The following CHD7 variants were observed in gnomAD, a reference collection of about 807,000 sequenced individuals.
The protein encoded by CHD7 is chromodomain helicase DNA binding protein 7, also known as ATP-dependent chromatin remodeler CHD7.
In CHD7, 24 loss-of-function variants were observed where a neutral mutation model predicts 307.3. That is an observed-to-expected ratio of 0.08 (90% CI 0.06 to 0.11). The LOEUF is 0.11. Among genes scored for constraint, CHD7 ranks in the 10% least tolerant of loss-of-function variants. CHD7 has a pLI of 1.00. For missense variants in CHD7, 3,106 were observed against 3,727.1 expected (o/e 0.83, Z 4.34); for synonymous variants, 1,363 against 1,349.9 (o/e 1.01, Z -0.21).
At chr8:60,746,442 AT>A (rs1447702395) in intron 2 of CHD7, among the ~76,000 whole-genome samples, 1 of 152,158 alleles carries the variant, frequency 6.6e-6, no homozygotes, top group African/African-American at 2.4e-5. Context: ...CCTAGGAAAT[AT>A]TTTTATTTAA....
At chr8:60,786,909 C>T (rs1168510106) in intron 3 of CHD7, among the ~76,000 whole-genome samples, 1 of 152,156 alleles carries the variant, frequency 6.6e-6, no homozygotes, top group African/African-American at 2.4e-5. Flanking sequence ...TGTGCAAAGC[C>T]ACTGTGCAGA....
intron 37 of CHD7, 155 bp downstream of exon 37, chr8:60,862,807 ATTAATAC>A (rs1457186946): frequency 1.2e-5 from 6 of 487,408 alleles, no homozygotes; most frequent in South Asian, 4.8e-5. Context: ...TTCATACATC[ATTAATAC>A]ATCATTAATC....
chr8:60,784,793 T>A (rs1016812042), intron 3 of CHD7, among the ~76,000 whole-genome samples: 1 of 152,182 alleles, frequency 6.6e-6, no homozygotes, highest in East Asian at 1.9e-4. Context: ...CATAGAGTGA[T>A]GGTGAAGCAG....
intron 19 of CHD7, among the ~76,000 whole-genome samples, chr8:60,839,837 A>G (rs896478206): frequency 1.3e-5 from 2 of 152,224 alleles, no homozygotes; most frequent in African/African-American, 4.8e-5. Context: ...GTTCTGTATT[A>G]ATATGATTGC....
intron 2 of CHD7, among the ~76,000 whole-genome samples, chr8:60,769,614 G>A (rs1003750649): frequency 2.0e-5 from 3 of 152,138 alleles, no homozygotes; most frequent in Non-Finnish European, 2.9e-5. Flanking sequence ...GTAGTAGTAA[G>A]GGCAATATCT....
intron 9 of CHD7, 113 bp from the exon 10 acceptor site, chr8:60,821,677 T>C (rs1804046870): frequency 1.2e-6 from 1 of 808,838 alleles, no homozygotes; most frequent in South Asian, 2.5e-5. Flanking sequence ...TGTATAAACA[T>C]ATATATACAC....
In CHD7 at chr8:60,826,691, G is replaced by A. The variant is rs148727989; in HGVS notation, c.3379-1972G>A. The stretch of plus-strand genomic sequence containing the variant: ...GTTTGTGAAGATGATACATTGAGGG[G>A]CAGTCACCATCTTCACAGTCCTCCA... On this transcript the variant is annotated intron_variant, in intron 13 of 37. Coordinates refer to ENST00000423902, the MANE Select transcript of CHD7 (RefSeq NM_017780.4). Among the ~76,000 whole-genome samples, 1,155 of 152,298 alleles carry A rather than the reference G, an allele frequency of 7.6e-3. 12 individuals carry two copies. Among genetic ancestry groups the A allele is most frequent in the South Asian group, 0.013 (63 of 4,824 alleles).
At chr8:60,852,799 C>T (rs1432126757) in intron 30 of CHD7, 30 bp from the exon 31 acceptor site, 12 of 1,608,748 alleles carry the variant, frequency 7.5e-6, no homozygotes, top group Non-Finnish European at 1.0e-5. Context: ...GAATTCTCCC[C>T]AAGTAAATAT....
chr8:60,780,317 G>T (rs1294229090), intron 2 of CHD7, among the ~76,000 whole-genome samples: 3 of 152,144 alleles, frequency 2.0e-5, no homozygotes, highest in Non-Finnish European at 4.4e-5. Flanking sequence ...ATTTATTTGG[G>T]TTATCTCTCC....
chr8:60,780,928 CACTA>C, intron 2 of CHD7, 68 bp from the exon 3 acceptor site: 1 of 1,408,290 alleles, frequency 7.1e-7, no homozygotes, highest in Non-Finnish European at 9.3e-7. Flanking sequence ...AAACATCAGC[CACTA>C]ACTTTCAGTT....
At chr8:60,696,219 G>T (rs184196602) in intron 1 of CHD7, among the ~76,000 whole-genome samples, 1 of 152,096 alleles carries the variant, frequency 6.6e-6, no homozygotes, top group South Asian at 2.1e-4. Context: ...CTATGACCAG[G>T]TGTCTACAAC....
intron 14 of CHD7, 26 bp downstream of exon 14, chr8:60,828,832 T>C (rs534680576): frequency 3.1e-6 from 5 of 1,602,186 alleles, no homozygotes; most frequent in Non-Finnish European, 4.3e-6. Flanking sequence ...ACTTTGTATT[T>C]CAGTTATAAA....
chr8:60,681,752 GA>G (rs1052676548), intron 1 of CHD7, among the ~76,000 whole-genome samples: 1 of 152,110 alleles, frequency 6.6e-6, no homozygotes, highest in African/African-American at 2.4e-5. Context: ...CAAGAATTGG[GA>G]TTGTTTTCTA....
chr8:60,797,345 C>T (rs1346340193), intron 4 of CHD7, among the ~76,000 whole-genome samples: 1 of 152,190 alleles, frequency 6.6e-6, no homozygotes, highest in East Asian at 1.9e-4. Flanking sequence ...GTATCCACTG[C>T]TAACTAACCC....
In CHD7 at chr8:60,841,505, A is replaced by G. The variant is rs1429408804; in HGVS notation, c.4534-139A>G. ...TGAGCTGCCTGAGGGCCAGTCTGTCATTCTAGTCCCATCTACTGTAGTGTC... is the reference window on the plus strand; with the variant it reads ...TGAGCTGCCTGAGGGCCAGTCTGTCGTTCTAGTCCCATCTACTGTAGTGTC... On this transcript the variant is annotated intron_variant, in intron 19 of 37. Transcript: ENST00000423902. 14 of 673,522 alleles carry G rather than the reference A, an allele frequency of 2.1e-5. No homozygotes were observed. In the South Asian group the frequency reaches 2.4e-4, roughly 12 times the overall value. The allele number at this position is 673,522 out of a possible 1,614,324, so 41.7% of individuals were successfully genotyped here.
In CHD7 at chr8:60,862,548, A is replaced by T; in HGVS notation, c.7972A>T (p.Met2658Leu). 6.4e-7 allele frequency: 1 copy of T among 1,565,634 alleles called. No homozygotes were observed. The change falls in exon 37 of 38, where the codon ATG becomes TTG. Residue 2658 changes from methionine to leucine, a missense_variant and splice_region_variant. Around this residue, in one of 10 missense-constraint regions of CHD7, gnomAD observed 59 missense variants for 106.2 expected, o/e 0.56. Coordinates refer to ENST00000423902, the MANE Select transcript of CHD7 (RefSeq NM_017780.4). ...TCATTTGTCAAATGCCTCTACCCAGATGGGTGGAGCTATGGCGCCTCCAAT... is the reference window on the plus strand; with the variant it reads ...TCATTTGTCAAATGCCTCTACCCAGTTGGGTGGAGCTATGGCGCCTCCAAT... ...PVVNKRNGKKMGGAMAPPMKD... is the reference protein window; with the variant it reads ...PVVNKRNGKKLGGAMAPPMKD...
At position 60,740,962 on chromosome 8, in the gene CHD7, T is replaced by C. The variant is rs1340557132; in HGVS notation, c.-174-297T>C. Among the ~76,000 whole-genome samples the C allele has an allele frequency of 2.0e-5, 3 of 152,230 alleles. No homozygotes were observed. The East Asian group carries it at 5.8e-4, about 29-fold the overall frequency. ...TGCTGCTGCTTCACGTTGTGTTCTTTTGTTCTGTTTCATCCAAGAATGGAA... is the reference window on the plus strand; with the variant it reads ...TGCTGCTGCTTCACGTTGTGTTCTTCTGTTCTGTTTCATCCAAGAATGGAA... On this transcript the variant is annotated intron_variant, in intron 1 of 37. Transcript: ENST00000423902.
intron 1 of CHD7, among the ~76,000 whole-genome samples, chr8:60,728,551 A>G (rs1434038072): frequency 1.3e-5 from 2 of 152,122 alleles, no homozygotes; most frequent in African/African-American, 2.4e-5. Context: ...TTTTTGAGAC[A>G]GTCTCGCTCT....
intron 6 of CHD7, among the ~76,000 whole-genome samples, chr8:60,806,961 T>G (rs4738827): frequency 0.8 from 121,272 of 152,100 alleles, 48,521 homozygotes; most frequent in East Asian, 0.94. Context: ...GGAGGTTGAG[T>G]TTGCAGTGAG....
Sources: gnomAD v4.1 joint callset for allele counts (sites outside exome capture counted in the v4.1 genomes callset) on GRCh38, gnomAD v4.1.1 for gene constraint, gnomAD v4.1.1 regional missense constraint, MANE v1.5 for transcripts, NCBI Gene and HGNC (gene_info 2026-07-23, HGNC 2026-07-21) for gene names.